The following MIAT variants were observed in gnomAD, a reference collection of about 807,000 sequenced individuals.
MIAT encodes MI related novel mRNA.
chr22:26,672,967 G>A, downstream of MIAT: 1 of 398,650 alleles, frequency 2.5e-6, no homozygotes, highest in Non-Finnish European at 4.4e-6. Context: ...CTGGAGCCGA[G>A]AGAGGCCGGT....
intron 5 of MIAT, chr22:26,667,333 AGT>A (rs61442362): frequency 0.074 from 28,641 of 384,556 alleles, 731 homozygotes; most frequent in Admixed American, 0.16. Flanking sequence ...TCCTGGGAGC[AGT>A]GTGTGTGTGT....
exon 6 of MIAT, chr22:26,669,203 A>G: frequency 2.5e-6 from 1 of 398,802 alleles, no homozygotes; most frequent in Non-Finnish European, 4.4e-6. Context: ...CCCTTAGGCA[A>G]GTTTAAAAGC....
chr22:26,664,315 T>C (rs192215046), intron 3 of MIAT, among the ~76,000 whole-genome samples: 1 of 152,342 alleles, frequency 6.6e-6, no homozygotes, highest in Admixed American at 6.5e-5. Context: ...CTGAGGCTCA[T>C]ACTTCCTGTT....
At chr22:26,662,960 C>T (rs887935262) in intron 2 of MIAT, among the ~76,000 whole-genome samples, 2 of 152,182 alleles carry the variant, frequency 1.3e-5, no homozygotes, top group African/African-American at 4.8e-5. Context: ...AAGTCTCATT[C>T]ATCTTCTCAT....
At chr22:26,657,228 C>A (rs1312352342) in intron 2 of MIAT, 3 of 325,588 alleles carry the variant, frequency 9.2e-6, no homozygotes, top group East Asian at 9.5e-5. Flanking sequence ...GCCATGACAG[C>A]GCCGCGGGTG....
At position 26,664,770 on chromosome 22, in the gene MIAT, T is replaced by C. The variant is rs138730720; in HGVS notation, n.730-761T>C. Among the ~76,000 whole-genome samples the C allele has an allele frequency of 7.8e-3, 1,195 of 152,370 alleles. 5 individuals carry two copies. Among genetic ancestry groups the C allele is most frequent in the Middle Eastern group, 0.014 (4 of 294 alleles). The stretch of plus-strand genomic sequence containing the variant: ...ATTCATCAAGATAGGGGATTTTAAT[T>C]TGATCAGTGCTGCCTAACTGTGGTA... On this transcript the variant is annotated intron_variant and non_coding_transcript_variant, in intron 3 of 5. Transcript: ENST00000643270.
Position 26,665,967 on chromosome 22 carries a change from C to G in MIAT, n.1166C>G, listed in dbSNP as rs1179568672. 2.8e-5 allele frequency: 11 copies of G among 398,488 alleles called. No homozygotes were observed. In the East Asian group the frequency reaches 3.9e-4, roughly 14 times the overall value. 24.7% of individuals were successfully genotyped at this position (398,488 alleles called of 1,614,324 possible). On this transcript the variant is annotated non_coding_transcript_exon_variant, in exon 4 of 6. Transcript: ENST00000643270. Reference sequence around the variant, plus strand: ...TGATGTGAACCAGCCCTTCTCTTCTCAGTTTCAGCACTTTGTGATCATATT... The same window carrying G: ...TGATGTGAACCAGCCCTTCTCTTCTGAGTTTCAGCACTTTGTGATCATATT...
chr22:26,672,572 A>C (rs1214455227), downstream of MIAT: 1 of 399,036 alleles, frequency 2.5e-6, no homozygotes, highest in Non-Finnish European at 4.4e-6. Context: ...TGGAGCTCTG[A>C]GCTTTTGTGT....
chr22:26,661,555 A>C (rs2088828079), intron 2 of MIAT, among the ~76,000 whole-genome samples: 1 of 151,746 alleles, frequency 6.6e-6, no homozygotes, highest in African/African-American at 2.4e-5. Flanking sequence ...CATCATGGAG[A>C]CTCCATGATA....
At chr22:26,651,836 C>A (rs1930341265) in intron 2 of MIAT, among the ~76,000 whole-genome samples, 1 of 152,142 alleles carries the variant, frequency 6.6e-6, no homozygotes, top group Admixed American at 6.5e-5. Context: ...TGGGAAGTAA[C>A]CGCTTAAGGG....
In MIAT at chr22:26,647,435, A is replaced by G. The variant is rs1240309792; in HGVS notation, n.646+124A>G. 4.3e-5 allele frequency: 17 copies of G among 392,390 alleles called. No individual in the cohort carries two copies. In the Admixed American group the frequency reaches 7.6e-4, roughly 18 times the overall value. 24.3% of individuals were successfully genotyped at this position (392,390 alleles called of 1,614,324 possible). A position where few individuals can be genotyped will look rare whatever the true frequency, so the allele number is the denominator to read the frequency against. ...AGAGAGAGAGAGAGAGATTGTGTACAACAGAAAAGCAAATGGATATGTAAT... is the reference window on the plus strand; with the variant it reads ...AGAGAGAGAGAGAGAGATTGTGTACGACAGAAAAGCAAATGGATATGTAAT... On this transcript the variant is annotated intron_variant and non_coding_transcript_variant, in intron 2 of 5. Transcript: ENST00000643270.
intron 5 of MIAT, chr22:26,668,017 C>T: frequency 2.5e-6 from 1 of 397,236 alleles, no homozygotes; most frequent in Non-Finnish European, 4.4e-6. Flanking sequence ...TCACTTCCAC[C>T]CTGTGTGTGT....
At chr22:26,669,878 C>T (rs905591069), downstream of MIAT, 10 of 398,506 alleles carry the variant, frequency 2.5e-5, no homozygotes, top group African/African-American at 1.6e-4. Flanking sequence ...GGGCTACAAC[C>T]CTGGGCAAGT....
At chr22:26,670,788 T>C (rs896808154), downstream of MIAT, 6 of 398,382 alleles carry the variant, frequency 1.5e-5, no homozygotes, top group Non-Finnish European at 4.4e-6. Flanking sequence ...GAACATCGTT[T>C]AGAACTGTGG....
At chr22:26,648,216 G>A (rs1205237175) in intron 2 of MIAT, among the ~76,000 whole-genome samples, 1 of 152,110 alleles carries the variant, frequency 6.6e-6, no homozygotes, top group Non-Finnish European at 1.5e-5. Context: ...CGACTGGGAG[G>A]GCCCGGGAGC....
At chr22:26,667,005 G>T (rs1930870908) in intron 4 of MIAT, 2 of 398,058 alleles carry the variant, frequency 5.0e-6, no homozygotes, top group Non-Finnish European at 8.8e-6. Flanking sequence ...ATGGGGGTAG[G>T]TTGTCCTCCC....
At chr22:26,653,618 A>T (rs953741349) in intron 2 of MIAT, among the ~76,000 whole-genome samples, 1 of 152,176 alleles carries the variant, frequency 6.6e-6, no homozygotes, top group African/African-American at 2.4e-5. Context: ...AAGTATGTAA[A>T]TCATCTATGT....
At chr22:26,656,367 C>T (rs1031849300) in intron 2 of MIAT, among the ~76,000 whole-genome samples, 7 of 150,020 alleles carry the variant, frequency 4.7e-5, no homozygotes, top group African/African-American at 1.2e-4. Flanking sequence ...TCTTGTCACC[C>T]GGGCTAGAGT....
intron 3 of MIAT, chr22:26,663,644 G>A (rs1385260195): frequency 5.4e-6 from 2 of 370,826 alleles, no homozygotes; most frequent in African/African-American, 2.1e-5. Context: ...CTCACAACTG[G>A]TTCTTTGTGC....
Sources: allele counts gnomAD v4.1 joint callset (sites outside exome capture counted in the v4.1 genomes callset), GRCh38; gene constraint gnomAD v4.1.1; transcripts MANE v1.5; gene names NCBI Gene and HGNC (gene_info 2026-07-23, HGNC 2026-07-21).